TRAPPC9: variants seen among roughly 807,000 people sequenced by gnomAD.
TRAPPC9 encodes trafficking protein particle complex subunit 9.
In TRAPPC9, 83 loss-of-function variants were observed where a neutral mutation model predicts 124.0. That is an observed-to-expected ratio of 0.67 (90% CI 0.56 to 0.80). The LOEUF is 0.80. Among genes scored for constraint, TRAPPC9 ranks in the 30% least tolerant of loss-of-function variants. The pLI, the probability that TRAPPC9 is intolerant of heterozygous loss-of-function variation, is 0.00. For synonymous variants in TRAPPC9, 638 were observed against 617.5 expected, an observed-to-expected ratio of 1.03 and a Z score of -0.49; for missense variants, 1,302 against 1,508.3, an observed-to-expected ratio of 0.86 and a Z score of 2.27.
At chr8:140,319,779 T>C (rs531630341) in intron 9 of TRAPPC9, among the ~76,000 whole-genome samples, 3 of 152,246 alleles carry the variant, frequency 2.0e-5, no homozygotes, top group Non-Finnish European at 2.9e-5. Context: ...AAACAGAACA[T>C]TTTTAATGAA....
intron 21 of TRAPPC9, among the ~76,000 whole-genome samples, chr8:139,768,102 T>C (rs554810845): frequency 1.3e-5 from 2 of 152,234 alleles, no homozygotes; most frequent in East Asian, 3.9e-4. Context: ...TCCAAAAATA[T>C]GGGGGGATGG....
intron 15 of TRAPPC9, among the ~76,000 whole-genome samples, chr8:140,253,541 G>C (rs56409210): frequency 0.058 from 8,783 of 152,124 alleles, 366 homozygotes; most frequent in Non-Finnish European, 0.086. Flanking sequence ...TAGCCAGTGT[G>C]GCAGCGCGCC....
chr8:140,384,160 A>C (rs1456580056), intron 7 of TRAPPC9, among the ~76,000 whole-genome samples: 1 of 152,224 alleles, frequency 6.6e-6, no homozygotes. Flanking sequence ...TCCTGAAGGA[A>C]GCACTAAACA....
At chr8:140,000,431 C>T (rs1219924795) in intron 18 of TRAPPC9, among the ~76,000 whole-genome samples, 1 of 152,230 alleles carries the variant, frequency 6.6e-6, no homozygotes, top group Non-Finnish European at 1.5e-5. Context: ...AAACTACCAT[C>T]AGAGTGAACA....
In TRAPPC9 at chr8:140,256,385, G is replaced by A. The variant is rs1160062977; in HGVS notation, c.2279-3456C>T. 2.6e-5 allele frequency among the ~76,000 whole-genome samples: 4 copies of A among 152,166 alleles called. No homozygotes were observed. The East Asian group carries it at 5.8e-4, about 22-fold the overall frequency. ...ACAAAATCACATCATCAATTGGGTC[G>A]CAGCTTTCTTCCCACTCCTTCAGAA... On this transcript the variant is annotated intron_variant, in intron 15 of 22. Coordinates refer to ENST00000438773, the MANE Select transcript of TRAPPC9 (RefSeq NM_001160372.4).
chr8:139,878,018 T>C (rs921736457), intron 21 of TRAPPC9, among the ~76,000 whole-genome samples: 7 of 152,178 alleles, frequency 4.6e-5, no homozygotes, highest in African/African-American at 1.7e-4. Context: ...AAAATATTAA[T>C]AACTTCTGAG....
intron 17 of TRAPPC9, among the ~76,000 whole-genome samples, chr8:140,173,140 T>C (rs1034033285): frequency 6.6e-6 from 1 of 152,174 alleles, no homozygotes; most frequent in Non-Finnish European, 1.5e-5. Context: ...GCACAACCCA[T>C]TAACTGATAA....
intron 21 of TRAPPC9, among the ~76,000 whole-genome samples, chr8:139,841,457 C>G (rs1420368262): frequency 6.6e-6 from 1 of 152,140 alleles, no homozygotes; most frequent in Non-Finnish European, 1.5e-5. Flanking sequence ...TCTTCCCTGT[C>G]TCCCCCAGCG....
At chr8:140,446,348 G>A (rs2071258326) in intron 2 of TRAPPC9, among the ~76,000 whole-genome samples, 1 of 139,704 alleles carries the variant, frequency 7.2e-6, no homozygotes, top group African/African-American at 2.7e-5. Flanking sequence ...ACCTACATGA[G>A]GTTAAATGGA....
intron 21 of TRAPPC9, among the ~76,000 whole-genome samples, chr8:139,797,125 G>A (rs1421258057): frequency 2.6e-5 from 4 of 151,828 alleles, no homozygotes; most frequent in Non-Finnish European, 4.4e-5. Context: ...GTCGAAAGAG[G>A]TCTTCGTATA....
chr8:139,767,642 C>T (rs1427254118), intron 21 of TRAPPC9, among the ~76,000 whole-genome samples: 1 of 152,160 alleles, frequency 6.6e-6, no homozygotes, highest in Non-Finnish European at 1.5e-5. Flanking sequence ...ACCAAGTAGC[C>T]CCTCTGGCCA....
Position 139,962,318 on chromosome 8 carries a change from T to C in TRAPPC9, c.2810+26408A>G, listed in dbSNP as rs1039344371. 8.0e-5 allele frequency among the ~76,000 whole-genome samples: 10 copies of C among 124,682 alleles called. 1 individual carries two copies. Among genetic ancestry groups the C allele is most frequent in the African/African-American group, 2.0e-4 (8 of 39,244 alleles). 81.8% of individuals were successfully genotyped at this position (124,682 alleles called of 152,430 possible). A position where few individuals can be genotyped will look rare whatever the true frequency, so the allele number is the denominator to read the frequency against. On this transcript the variant is annotated intron_variant, in intron 19 of 22. Coordinates refer to ENST00000438773, the MANE Select transcript of TRAPPC9 (RefSeq NM_001160372.4). ...ACAGTAAGATTCAGTGTCTGTAACA[T>C]ATCACATGCTAAATAGCTATTATAA...
rs374999568 is a variant in TRAPPC9 at position 139,988,709 on chromosome 8, G to T, written c.2810+17C>A. The T allele has an allele frequency of 1.3e-4, 204 of 1,526,570 alleles. No individual in the cohort carries two copies. The African/African-American group carries it at 2.3e-3, about 17-fold the overall frequency. 94.6% of individuals were successfully genotyped at this position (1,526,570 alleles called of 1,614,324 possible). Reference sequence around the variant, plus strand: ...GAGGGTGGCCTGCGGCGGCGCGAGGGTCTATGGGACACTTACCGCTGGCAC... The same window carrying T: ...GAGGGTGGCCTGCGGCGGCGCGAGGTTCTATGGGACACTTACCGCTGGCAC... On this transcript the variant is annotated intron_variant, in intron 19 of 22. Transcript: ENST00000438773.
intron 20 of TRAPPC9, among the ~76,000 whole-genome samples, chr8:139,896,656 A>G (rs1452541490): frequency 1.3e-5 from 2 of 152,196 alleles, no homozygotes. Flanking sequence ...GATATGTTGT[A>G]TTGACTCCTC....
chr8:140,238,165 C>A (rs945661318), intron 16 of TRAPPC9, among the ~76,000 whole-genome samples: 2 of 152,186 alleles, frequency 1.3e-5, no homozygotes, highest in African/African-American at 4.8e-5. Flanking sequence ...GTCCAGGAGA[C>A]GTCGGTTCCG....
chr8:140,099,384 G>T (rs1193898659), intron 17 of TRAPPC9: 1 of 150,298 alleles, frequency 6.7e-6, no homozygotes. Flanking sequence ...CTTCCGCAGG[G>T]GAGACAGGTC....
chr8:139,971,242 C>T (rs1299613662), intron 19 of TRAPPC9, among the ~76,000 whole-genome samples: 3 of 152,174 alleles, frequency 2.0e-5, no homozygotes, highest in African/African-American at 4.8e-5. Flanking sequence ...CTGACTTCGA[C>T]CTTGGCTCAT....
intron 9 of TRAPPC9, among the ~76,000 whole-genome samples, chr8:140,344,149 G>A (rs1453375962): frequency 1.3e-5 from 2 of 152,124 alleles, no homozygotes; most frequent in African/African-American, 4.8e-5. Context: ...CCCTTGTAAA[G>A]GAGATCCCAG....
intron 19 of TRAPPC9, chr8:139,932,716 ATGGTACCTCTGCACTGCAGCC>A: frequency 2.7e-6 from 1 of 366,920 alleles, no homozygotes; most frequent in Admixed American, 3.5e-5. Context: ...GTGAGCCGAG[ATGGTACCTCTGCACTGCAGCC>A]TGGGCAACAG....
Sources: gnomAD v4.1 joint callset for allele counts (sites outside exome capture counted in the v4.1 genomes callset) on GRCh38, gnomAD v4.1.1 for gene constraint, MANE v1.5 for transcripts, NCBI Gene and HGNC (gene_info 2026-07-23, HGNC 2026-07-21) for gene names.